PEX5L: variants seen among roughly 807,000 people sequenced by gnomAD.
PEX5L encodes PEX5-related protein.
PEX5L carries 30 observed loss-of-function variants against 84.0 expected under a neutral mutation model. The observed-to-expected ratio is 0.36, with a 90% confidence interval of 0.27 to 0.48. The LOEUF (loss-of-function observed/expected upper bound fraction) is 0.48. PEX5L is among the 20% of genes least tolerant of loss of function. The pLI, the probability that PEX5L is intolerant of heterozygous loss-of-function variation, is 0.99. For synonymous variants in PEX5L, 270 were observed against 283.1 expected, an observed-to-expected ratio of 0.95 and a Z score of 0.46; for missense variants, 533 against 754.6, an observed-to-expected ratio of 0.71 and a Z score of 3.44.
At chr3:179,990,614 G>C (rs1361226557) in intron 1 of PEX5L, among the ~76,000 whole-genome samples, 53 of 152,082 alleles carry the variant, frequency 3.5e-4, no homozygotes, top group Non-Finnish European at 4.4e-5. Flanking sequence ...TGTTTCCCAG[G>C]CTGGTCTTGA....
chr3:179,890,797 T>C (rs183141411), intron 3 of PEX5L, among the ~76,000 whole-genome samples: 9 of 152,270 alleles, frequency 5.9e-5, no homozygotes, highest in African/African-American at 2.2e-4. Flanking sequence ...GGGTGTTAGA[T>C]TTCTTCAGAT....
intron 1 of PEX5L, among the ~76,000 whole-genome samples, chr3:179,985,051 G>A (rs1786678732): frequency 6.6e-6 from 1 of 152,112 alleles, no homozygotes; most frequent in Non-Finnish European, 1.5e-5. Flanking sequence ...TATTATCAAC[G>A]TAGACTATGC....
At chr3:180,008,815 C>T (rs1017581549) in intron 1 of PEX5L, among the ~76,000 whole-genome samples, 13 of 152,198 alleles carry the variant, frequency 8.5e-5, no homozygotes, top group Non-Finnish European at 1.6e-4. Context: ...CACTGGGCCC[C>T]TCCCACAACA....
chr3:179,839,010 T>C (rs932187865), intron 8 of PEX5L, among the ~76,000 whole-genome samples: 1 of 151,680 alleles, frequency 6.6e-6, no homozygotes, highest in African/African-American at 2.4e-5. Flanking sequence ...CAGACTCTGA[T>C]AAAGAAAGGC....
intron 2 of PEX5L, among the ~76,000 whole-genome samples, chr3:179,909,062 T>C (rs936742517): frequency 6.6e-5 from 10 of 152,152 alleles, no homozygotes; most frequent in African/African-American, 1.9e-4. Context: ...GTTGGCTTAA[T>C]TGTCTCTATG....
chr3:179,969,987 A>C (rs1784333807), intron 2 of PEX5L, among the ~76,000 whole-genome samples: 1 of 152,234 alleles, frequency 6.6e-6, no homozygotes, highest in East Asian at 1.9e-4. Flanking sequence ...GTATCATGAG[A>C]AAAAAAGAAC....
At chr3:179,885,248 A>C (rs958419270) in intron 4 of PEX5L, among the ~76,000 whole-genome samples, 8 of 152,190 alleles carry the variant, frequency 5.3e-5, no homozygotes, top group Non-Finnish European at 1.0e-4. Context: ...AGTACTCAGA[A>C]TATTACCTTA....
chr3:179,859,236 C>T, intron 7 of PEX5L, 79 bp from the exon 8 acceptor site: 1 of 1,048,466 alleles, frequency 9.5e-7, no homozygotes, highest in Admixed American at 1.9e-5. Flanking sequence ...TTTTCCTTTT[C>T]CCATTTCACT....
chr3:179,911,839 T>C (rs920113685), intron 2 of PEX5L, among the ~76,000 whole-genome samples: 1 of 152,138 alleles, frequency 6.6e-6, no homozygotes, highest in Non-Finnish European at 1.5e-5. Context: ...AGGAAATCTA[T>C]CCAACCACAG....
intron 2 of PEX5L, among the ~76,000 whole-genome samples, chr3:179,919,498 A>G (rs1768494988): frequency 6.6e-6 from 1 of 152,114 alleles, no homozygotes; most frequent in Non-Finnish European, 1.5e-5. Context: ...CTCTGGCTCC[A>G]TTCTGCTTAG....
At chr3:179,880,320 C>T (rs1325486951) in intron 4 of PEX5L, among the ~76,000 whole-genome samples, 197 bp from the exon 5 acceptor site, 1 of 152,096 alleles carries the variant, frequency 6.6e-6, no homozygotes, top group African/African-American at 2.4e-5. Flanking sequence ...GTTGGTATGG[C>T]ACAAATTGGT....
chr3:179,859,414 AT>A (rs1246937901), intron 7 of PEX5L, among the ~76,000 whole-genome samples: 1 of 152,150 alleles, frequency 6.6e-6, no homozygotes, highest in East Asian at 1.9e-4. Flanking sequence ...CTCAGGCCTC[AT>A]CTCCCAAAGA....
intron 2 of PEX5L, among the ~76,000 whole-genome samples, chr3:179,922,764 TTCTCATA>T (rs1770005543): frequency 6.6e-6 from 1 of 151,932 alleles, no homozygotes; most frequent in South Asian, 2.1e-4. Flanking sequence ...CTTTTCTTAA[TTCTCATA>T]TCATATGTCT....
chr3:179,867,850 A>G (rs1029413963), intron 7 of PEX5L, among the ~76,000 whole-genome samples: 5 of 152,138 alleles, frequency 3.3e-5, no homozygotes, highest in African/African-American at 9.7e-5. Flanking sequence ...AAGATTCTGG[A>G]ATAAAGTGAT....
rs143075440 is a variant in PEX5L at position 179,942,643 on chromosome 3, A to C, written c.93+28951T>G. 1.0e-3 allele frequency among the ~76,000 whole-genome samples: 158 copies of C among 152,310 alleles called. 1 individual carries two copies. Among genetic ancestry groups the C allele is most frequent in the African/African-American group, 3.6e-3 (151 of 41,570 alleles). ...GGTTTCTTCCCAGGACTCTGCCTTC[A>C]CTGGGACGCACACATGGAAGACAGT... On this transcript the variant is annotated intron_variant, in intron 2 of 14. Transcript: ENST00000467460.
intron 2 of PEX5L, among the ~76,000 whole-genome samples, chr3:179,956,844 A>G (rs1780691224): frequency 6.6e-6 from 1 of 152,230 alleles, no homozygotes; most frequent in Non-Finnish European, 1.5e-5. Context: ...TCCCACAAAC[A>G]TCATGCAGAA....
intron 7 of PEX5L, among the ~76,000 whole-genome samples, chr3:179,867,384 A>G (rs1748713038): frequency 6.6e-6 from 1 of 151,888 alleles, no homozygotes; most frequent in South Asian, 2.1e-4. Flanking sequence ...TTCCACTTCC[A>G]CAAATATTTG....
intron 2 of PEX5L, among the ~76,000 whole-genome samples, chr3:179,969,713 T>C (rs1784272257): frequency 6.6e-6 from 1 of 152,154 alleles, no homozygotes; most frequent in East Asian, 1.9e-4. Context: ...TTGAAACATG[T>C]TTTGACATGA....
In PEX5L at chr3:179,887,838, A is replaced by C. The variant is rs980888325; in HGVS notation, c.199-54T>G. The C allele has an allele frequency of 3.6e-6, 4 of 1,113,604 alleles. No homozygotes were observed. The South Asian group carries it at 3.9e-5, about 11-fold the overall frequency. 69.0% of individuals were successfully genotyped at this position (1,113,604 alleles called of 1,614,324 possible). A position where few individuals can be genotyped will look rare whatever the true frequency, so the allele number is the denominator to read the frequency against. On this transcript the variant is annotated intron_variant, in intron 3 of 14. Transcript: ENST00000467460. The stretch of plus-strand genomic sequence containing the variant: ...GGGCTTTGTTAAACTGCAGAGTCAG[A>C]TGAATTAAAATGCAGCCTTGCAACA...
Sources: allele counts gnomAD v4.1 joint callset (sites outside exome capture counted in the v4.1 genomes callset), GRCh38; gene constraint gnomAD v4.1.1; transcripts MANE v1.5; gene names NCBI Gene and HGNC (gene_info 2026-07-23, HGNC 2026-07-21).